The following UIMC1 variants were observed in gnomAD, a reference collection of about 807,000 sequenced individuals.
UIMC1 encodes the protein BRCA1-A complex subunit RAP80.
Under a neutral mutation model 84.9 loss-of-function variants are expected in UIMC1, and 42 were observed. The observed-to-expected ratio is 0.49, with a 90% CI of 0.39 to 0.64. The LOEUF is 0.64. UIMC1 is among the 30% of genes least tolerant of loss of function. UIMC1 has a pLI of 0.00. For missense variants in UIMC1, 825 were observed against 847.6 expected (o/e 0.97, Z 0.33); for synonymous variants, 281 against 293.0 (o/e 0.96, Z 0.42).
At chr5:176,980,478 C>T (rs1205252369) in intron 2 of UIMC1, among the ~76,000 whole-genome samples, 1 of 152,044 alleles carries the variant, frequency 6.6e-6, no homozygotes. Flanking sequence ...AATGTATGCA[C>T]AAAATTTTTT....
intron 10 of UIMC1, among the ~76,000 whole-genome samples, chr5:176,940,447 T>C (rs935242395): frequency 6.6e-6 from 1 of 152,220 alleles, no homozygotes; most frequent in African/African-American, 2.4e-5. Context: ...GACCTTGATG[T>C]TGTATTGAAT....
chr5:176,966,728 A>T lies in UIMC1; in HGVS notation c.1200+1827T>A, dbSNP rs138220701. Among the ~76,000 whole-genome samples the T allele has an allele frequency of 9.1e-4, 139 of 152,328 alleles. 2 individuals carry two copies. The highest frequency in any genetic ancestry group is 3.1e-3 in the African/African-American group (128 of 41,588). ...AAGATTGGTTTCAATAAATTATTCA[A>T]AACCACTACAAGCAAAATAATAAAT... is the stretch of plus-strand genomic sequence containing the variant. On this transcript the variant is annotated intron_variant, in intron 6 of 14. Coordinates refer to ENST00000511320, the MANE Select transcript of UIMC1 (RefSeq NM_001199298.2).
chr5:176,915,793 CAAAAAAAAAAA>C (rs58297107), intron 10 of UIMC1, among the ~76,000 whole-genome samples: 1 of 42,664 alleles, frequency 2.3e-5, no homozygotes, highest in African/African-American at 8.8e-5. Context: ...GGTCACAAAG[CAAAAAAAAAAA>C]AAAAAAAAAA....
chr5:176,996,446 G>C (rs957329381), intron 1 of UIMC1, among the ~76,000 whole-genome samples: 1 of 152,160 alleles, frequency 6.6e-6, no homozygotes, highest in African/African-American at 2.4e-5. Flanking sequence ...AAAAGGACTT[G>C]TGGTTACCAT....
At chr5:176,916,359 A>G (rs1760978141) in intron 10 of UIMC1, among the ~76,000 whole-genome samples, 1 of 152,226 alleles carries the variant, frequency 6.6e-6, no homozygotes, top group Admixed American at 6.5e-5. Flanking sequence ...AGCTGCTTAT[A>G]TTCCACTGCA....
chr5:176,969,533 C>G, intron 5 of UIMC1, 68 bp downstream of exon 5: 1 of 1,517,100 alleles, frequency 6.6e-7, no homozygotes, highest in South Asian at 1.1e-5. Flanking sequence ...TGTATCTACT[C>G]TCAGCATGAG....
At chr5:176,995,145 C>A (rs1773419123) in intron 1 of UIMC1, among the ~76,000 whole-genome samples, 1 of 152,080 alleles carries the variant, frequency 6.6e-6, no homozygotes, top group African/African-American at 2.4e-5. Context: ...ATTAATTACT[C>A]AGTAGAAATG....
chr5:177,003,131 C>T (rs537166295), intron 1 of UIMC1, among the ~76,000 whole-genome samples: 265 of 152,028 alleles, frequency 1.7e-3, no homozygotes, highest in African/African-American at 6.1e-3. Flanking sequence ...TAAAGTGCCA[C>T]GAAGCACTTT....
chr5:177,019,222 T>G (rs1360676532), intron 1 of UIMC1, among the ~76,000 whole-genome samples: 1 of 152,254 alleles, frequency 6.6e-6, no homozygotes, highest in African/African-American at 2.4e-5. Context: ...ACTAGCTGTG[T>G]GATCTTCACA....
chr5:176,939,446 A>G (rs1383528914), intron 10 of UIMC1, among the ~76,000 whole-genome samples: 1 of 152,162 alleles, frequency 6.6e-6, no homozygotes, highest in Admixed American at 6.5e-5. Flanking sequence ...CGGACCATCT[A>G]TATGATGGGG....
At chr5:177,003,948 C>G (rs1422643240) in intron 1 of UIMC1, among the ~76,000 whole-genome samples, 1 of 152,136 alleles carries the variant, frequency 6.6e-6, no homozygotes, top group Non-Finnish European at 1.5e-5. Flanking sequence ...CCCACCAGAG[C>G]CTCCTGGGCA....
At chr5:176,939,385 A>T (rs1202887203) in intron 10 of UIMC1, among the ~76,000 whole-genome samples, 1 of 152,208 alleles carries the variant, frequency 6.6e-6, no homozygotes, top group Non-Finnish European at 1.5e-5. Context: ...TGGCATTGAA[A>T]AGAAGGATGT....
At chr5:176,980,534 A>G (rs554718544) in intron 2 of UIMC1, among the ~76,000 whole-genome samples, 1 of 152,318 alleles carries the variant, frequency 6.6e-6, no homozygotes, top group African/African-American at 2.4e-5. Flanking sequence ...CACACAGATG[A>G]CATCAAGAAA....
At chr5:176,956,540 GCCCTACA>G (rs1440636525) in intron 7 of UIMC1, among the ~76,000 whole-genome samples, 1 of 152,050 alleles carries the variant, frequency 6.6e-6, no homozygotes, top group Non-Finnish European at 1.5e-5. Context: ...ATTCCAAACT[GCCCTACA>G]GCAAAAATCT....
chr5:176,908,377 T>G, intron 12 of UIMC1, 146 bp downstream of exon 12: 1 of 815,014 alleles, frequency 1.2e-6, no homozygotes, highest in Non-Finnish European at 1.8e-6. Flanking sequence ...AAAGGAAAAA[T>G]AATTTTAAAA....
At position 176,911,918 on chromosome 5, in the gene UIMC1, G is replaced by A. The variant is rs558390244; in HGVS notation, c.1598-529C>T. Among the ~76,000 whole-genome samples, 119 of 152,280 alleles carry A rather than the reference G, an allele frequency of 7.8e-4. 1 individual carries two copies. In the South Asian group the frequency reaches 0.011, roughly 14 times the overall value. On this transcript the variant is annotated intron_variant, in intron 10 of 14. Coordinates refer to ENST00000511320, the MANE Select transcript of UIMC1 (RefSeq NM_001199298.2). ...TAATACCACCTCCCAATTCTAGTGGGTATAAATGGCTTTAGCCCAAATGAT... is the reference window on the plus strand; with the variant it reads ...TAATACCACCTCCCAATTCTAGTGGATATAAATGGCTTTAGCCCAAATGAT...
At chr5:177,008,761 T>G (rs1375122830), upstream of UIMC1, among the ~76,000 whole-genome samples, 1 of 152,068 alleles carries the variant, frequency 6.6e-6, no homozygotes, top group Non-Finnish European at 1.5e-5. Flanking sequence ...TTCTAAACAA[T>G]AGAATAAGGC....
intron 10 of UIMC1, among the ~76,000 whole-genome samples, chr5:176,931,250 A>G (rs549088435): frequency 1.3e-5 from 2 of 152,314 alleles, no homozygotes; most frequent in South Asian, 2.1e-4. Context: ...TTGAACTTTT[A>G]TCTTTCTCGA....
chr5:176,970,541 C>CT (rs1205398910), intron 4 of UIMC1: 5 of 738,130 alleles, frequency 6.8e-6, no homozygotes, highest in Non-Finnish European at 2.2e-6. Context: ...GAAGAAAACT[C>CT]TTTCATATAG....
Sources: allele counts gnomAD v4.1 joint callset (sites outside exome capture counted in the v4.1 genomes callset), GRCh38; gene constraint gnomAD v4.1.1; transcripts MANE v1.5; gene names NCBI Gene and HGNC (gene_info 2026-07-23, HGNC 2026-07-21).